The following GSG1L variants were observed in gnomAD, a reference collection of about 807,000 sequenced individuals.
The protein encoded by GSG1L is germ cell-specific gene 1-like protein.
In GSG1L, 24 loss-of-function variants were observed where a neutral mutation model predicts 42.1. The ratio of observed to expected loss-of-function variants is 0.57; its 90% CI spans 0.41 to 0.80. The LOEUF is 0.80. Ranked by LOEUF, GSG1L falls within the 30% of genes least tolerant of loss-of-function variation. GSG1L has a pLI of 0.00. For missense variants in GSG1L, 445 were observed against 472.2 expected, an observed-to-expected ratio of 0.94 and a Z score of 0.53; for synonymous variants, 215 against 203.5, an observed-to-expected ratio of 1.06 and a Z score of -0.48.
intron 2 of GSG1L, among the ~76,000 whole-genome samples, chr16:27,926,001 G>A (rs1293980456): frequency 2.0e-5 from 3 of 152,356 alleles, no homozygotes; most frequent in Non-Finnish European, 4.4e-5. Flanking sequence ...CGAGTACATG[G>A]TAAAATTTGG....
chr16:27,943,898 C>T (rs924112397), intron 2 of GSG1L, among the ~76,000 whole-genome samples: 1 of 152,010 alleles, frequency 6.6e-6, no homozygotes, highest in Admixed American at 6.6e-5. Flanking sequence ...TATAAAGGGA[C>T]AGACAGTAAA....
At chr16:27,811,894 ACCC>A (rs1295163112) in intron 5 of GSG1L, among the ~76,000 whole-genome samples, 2 of 151,370 alleles carry the variant, frequency 1.3e-5, no homozygotes, top group East Asian at 3.9e-4. Context: ...CAGGTGATCC[ACCC>A]GCCTCAGCCT....
intron 1 of GSG1L, among the ~76,000 whole-genome samples, chr16:27,980,879 T>TCAAAAAC (rs1371071292): frequency 9.4e-6 from 1 of 106,054 alleles, no homozygotes; most frequent in Non-Finnish European, 1.9e-5. Context: ...AGATGTCGTC[T>TCAAAAAC]CAAAAACCAA....
At chr16:28,024,349 A>G (rs1267097982) in intron 1 of GSG1L, among the ~76,000 whole-genome samples, 1 of 152,226 alleles carries the variant, frequency 6.6e-6, no homozygotes, top group Admixed American at 6.5e-5. Flanking sequence ...TGCTGCCGCC[A>G]ACTCCGATTG....
chr16:27,800,562 C>T (rs569419189), intron 6 of GSG1L, among the ~76,000 whole-genome samples: 2 of 152,298 alleles, frequency 1.3e-5, no homozygotes, highest in South Asian at 2.1e-4. Flanking sequence ...TGATGTGCTC[C>T]TGAGCTGGCT....
chr16:27,980,872 T>C (rs1293963213), intron 1 of GSG1L, among the ~76,000 whole-genome samples: 4 of 139,792 alleles, frequency 2.9e-5, no homozygotes, highest in Non-Finnish European at 4.5e-5. Flanking sequence ...TAGAGTGAGA[T>C]GTCGTCTCAA....
intron 2 of GSG1L, among the ~76,000 whole-genome samples, chr16:27,902,049 G>A (rs561388771): frequency 1.3e-5 from 2 of 152,198 alleles, no homozygotes; most frequent in East Asian, 1.9e-4. Context: ...TCCCCCTATT[G>A]TACTATCCCC....
intron 1 of GSG1L, among the ~76,000 whole-genome samples, chr16:28,018,430 A>G (rs572249370): frequency 6.6e-5 from 10 of 152,324 alleles, no homozygotes; most frequent in Non-Finnish European, 1.5e-4. Flanking sequence ...AATAAGGGGC[A>G]TTCAGGATGG....
chr16:27,909,607 C>T (rs867712536), intron 2 of GSG1L, among the ~76,000 whole-genome samples: 3 of 148,276 alleles, frequency 2.0e-5, no homozygotes, highest in African/African-American at 2.5e-5. Context: ...ACTAACCAAA[C>T]ACCTGCATGA....
At chr16:27,964,584 C>T (rs79978592) in intron 1 of GSG1L, among the ~76,000 whole-genome samples, 1 of 152,170 alleles carries the variant, frequency 6.6e-6, no homozygotes, top group South Asian at 2.1e-4. Context: ...AAGTACTCTT[C>T]AGCCATAAAA....
chr16:27,862,173 C>T (rs972833544), intron 3 of GSG1L, among the ~76,000 whole-genome samples: 2 of 152,178 alleles, frequency 1.3e-5, no homozygotes, highest in African/African-American at 4.8e-5. Flanking sequence ...ATGTACGTGA[C>T]TATGTTACAT....
At chr16:27,830,928 C>T (rs1458537097) in intron 4 of GSG1L, among the ~76,000 whole-genome samples, 1 of 152,242 alleles carries the variant, frequency 6.6e-6, no homozygotes, top group Non-Finnish European at 1.5e-5. Flanking sequence ...CACTCCAATT[C>T]TGTTAAGGGA....
At chr16:27,863,344 G>A (rs1596564867) in intron 3 of GSG1L, 1 of 152,118 alleles carries the variant, frequency 6.6e-6, no homozygotes, top group East Asian at 1.9e-4. Context: ...TTTGTGAAGT[G>A]TTCTATTTTT....
intron 4 of GSG1L, among the ~76,000 whole-genome samples, chr16:27,843,613 G>C (rs758864449): frequency 1.3e-5 from 2 of 151,924 alleles, no homozygotes; most frequent in Non-Finnish European, 2.9e-5. Context: ...CCAATTCAAA[G>C]GGAAGAGAGA....
At chr16:27,921,655 C>A (rs773864454) in intron 2 of GSG1L, among the ~76,000 whole-genome samples, 1 of 152,180 alleles carries the variant, frequency 6.6e-6, no homozygotes, top group African/African-American at 2.4e-5. Flanking sequence ...CTCAATTGTG[C>A]CCCAGTTCTT....
intron 3 of GSG1L, among the ~76,000 whole-genome samples, chr16:27,865,691 G>A (rs2083716362): frequency 6.7e-6 from 1 of 149,650 alleles, no homozygotes; most frequent in South Asian, 2.1e-4. Flanking sequence ...ATCACTGGCA[G>A]TAAATGCACT....
intron 1 of GSG1L, among the ~76,000 whole-genome samples, chr16:27,997,818 T>C (rs2085533947): frequency 6.6e-6 from 1 of 151,212 alleles, no homozygotes. Flanking sequence ...ATACCCAATA[T>C]GTAGTTTTTC....
At chr16:27,803,793 A>ATATATATATATATAAT (rs1567460435) in intron 6 of GSG1L, among the ~76,000 whole-genome samples, 6 of 56,084 alleles carry the variant, frequency 1.1e-4, no homozygotes, top group South Asian at 4.5e-4. Flanking sequence ...ATATATATAT[A>ATATATATATATATAAT]TAGATAGATA....
intron 2 of GSG1L, among the ~76,000 whole-genome samples, chr16:27,903,373 G>C (rs549046717): frequency 6.6e-6 from 1 of 152,250 alleles, no homozygotes; most frequent in East Asian, 1.9e-4. Context: ...GGAGACTTCT[G>C]CAGGGCTCCC....
Sources: gnomAD v4.1 joint callset for allele counts (sites outside exome capture counted in the v4.1 genomes callset) on GRCh38, gnomAD v4.1.1 for gene constraint, MANE v1.5 for transcripts, NCBI Gene and HGNC (gene_info 2026-07-23, HGNC 2026-07-21) for gene names.